The following PPP1R12A variants were observed in gnomAD, a reference collection of about 807,000 sequenced individuals.
PPP1R12A encodes myosin binding subunit.
Under a neutral mutation model 139.6 loss-of-function variants are expected in PPP1R12A, and 19 were observed. That is an observed-to-expected ratio of 0.14 (90% CI 0.09 to 0.20). The LOEUF (loss-of-function observed/expected upper bound fraction) is 0.20, where lower values mean the gene tolerates loss of function less well. Ranked by LOEUF, PPP1R12A falls within the 10% of genes least tolerant of loss-of-function variation. PPP1R12A has a pLI of 1.00. For missense variants in PPP1R12A, 925 were observed against 1,211.5 expected (o/e 0.76, Z 3.51); for synonymous variants, 427 against 420.6 (o/e 1.02, Z -0.19).
At chr12:79,822,018 C>T in intron 6 of PPP1R12A, 98 bp downstream of exon 6, 1 of 889,438 alleles carries the variant, frequency 1.1e-6, no homozygotes. Flanking sequence ...AACTTAAAAC[C>T]AAAAAGTACA....
intron 1 of PPP1R12A, among the ~76,000 whole-genome samples, chr12:79,880,790 T>G (rs1883568435): frequency 6.6e-6 from 1 of 152,116 alleles, no homozygotes; most frequent in African/African-American, 2.4e-5. Context: ...TTTTTTTGTT[T>G]GTTTGTTTAA....
intron 1 of PPP1R12A, among the ~76,000 whole-genome samples, chr12:79,900,493 G>A (rs907495600): frequency 6.6e-6 from 1 of 152,138 alleles, no homozygotes; most frequent in Non-Finnish European, 1.5e-5. Flanking sequence ...CCGTAAATGT[G>A]CCTTTGAAAC....
At chr12:79,899,231 AAAATATATATATATATATATAT>A (rs1202533715) in intron 1 of PPP1R12A, among the ~76,000 whole-genome samples, 115 of 122,704 alleles carry the variant, frequency 9.4e-4, no homozygotes, top group African/African-American at 3.4e-3. Context: ...AGAGATCTTA[AAAATATATATATATATATATAT>A]ATATATATAT....
At chr12:79,913,860 C>A (rs1258601331) in intron 1 of PPP1R12A, 1 of 152,052 alleles carries the variant, frequency 6.6e-6, no homozygotes, top group Non-Finnish European at 1.5e-5. Flanking sequence ...TCTCTTAGCC[C>A]CTTACAGAAG....
At chr12:79,861,732 G>A (rs142080886) in intron 2 of PPP1R12A, among the ~76,000 whole-genome samples, 8 of 152,286 alleles carry the variant, frequency 5.3e-5, no homozygotes, top group Non-Finnish European at 1.0e-4. Context: ...AACCTGCAAT[G>A]TGGGAGCTTG....
At chr12:79,910,616 C>A (rs1333113603) in intron 1 of PPP1R12A, among the ~76,000 whole-genome samples, 10 of 151,346 alleles carry the variant, frequency 6.6e-5, no homozygotes, top group Non-Finnish European at 1.5e-5. Flanking sequence ...CTAGTTTATT[C>A]TACTATGATT....
intron 1 of PPP1R12A, among the ~76,000 whole-genome samples, chr12:79,927,239 C>T (rs1240951635): frequency 2.0e-5 from 3 of 151,810 alleles, no homozygotes; most frequent in Non-Finnish European, 4.4e-5. Flanking sequence ...ACAACTGAAA[C>T]GATATAAATT....
At chr12:79,832,003 AC>A (rs1877490193) in intron 4 of PPP1R12A, among the ~76,000 whole-genome samples, 1 of 152,220 alleles carries the variant, frequency 6.6e-6, no homozygotes, top group Admixed American at 6.5e-5. Context: ...CTTAAGACTC[AC>A]AAACCAGTTA....
intron 1 of PPP1R12A, among the ~76,000 whole-genome samples, chr12:79,927,062 A>C (rs1887902608): frequency 6.6e-6 from 1 of 151,012 alleles, no homozygotes; most frequent in Non-Finnish European, 1.5e-5. Flanking sequence ...AAGTGGTGGC[A>C]CATGCCTGTA....
At chr12:79,857,423 G>T in intron 2 of PPP1R12A, among the ~76,000 whole-genome samples, 1 of 150,586 alleles carries the variant, frequency 6.6e-6, no homozygotes, top group African/African-American at 2.5e-5. Flanking sequence ...CACACTCTGG[G>T]GACTGTTGTG....
intron 12 of PPP1R12A, among the ~76,000 whole-genome samples, chr12:79,806,611 T>C (rs773243285): frequency 2.4e-4 from 37 of 152,190 alleles, no homozygotes; most frequent in Admixed American, 3.9e-4. Context: ...TTCCACACCA[T>C]ATGGTCATGC....
chr12:79,776,083 A>G (rs536870862), intron 24 of PPP1R12A, 68 bp from the exon 25 acceptor site: 284 of 984,104 alleles, frequency 2.9e-4, no homozygotes, highest in Non-Finnish European at 4.0e-4. Flanking sequence ...TATTCTTAAT[A>G]AATGTTATAT....
At chr12:79,902,116 T>C (rs1193959100) in intron 1 of PPP1R12A, among the ~76,000 whole-genome samples, 1 of 152,190 alleles carries the variant, frequency 6.6e-6, no homozygotes, top group Admixed American at 6.5e-5. Context: ...TCTTATTCCC[T>C]AACAGCTTGG....
intron 1 of PPP1R12A, among the ~76,000 whole-genome samples, chr12:79,885,325 A>T (rs540671377): frequency 1.3e-5 from 2 of 152,352 alleles, no homozygotes; most frequent in Non-Finnish European, 2.9e-5. Flanking sequence ...CGCATAAAGT[A>T]GTACCTGTCA....
intron 1 of PPP1R12A, among the ~76,000 whole-genome samples, chr12:79,890,900 CCCACCCA>C (rs1565800204): frequency 6.3e-5 from 4 of 63,016 alleles, no homozygotes; most frequent in African/African-American, 4.1e-4. Flanking sequence ...CCCACCCACA[CCCACCCA>C]CACACACACA....
intron 1 of PPP1R12A, among the ~76,000 whole-genome samples, chr12:79,922,608 G>GT (rs1446611622): frequency 6.6e-6 from 1 of 152,076 alleles, no homozygotes; most frequent in Non-Finnish European, 1.5e-5. Flanking sequence ...AACACCTCAG[G>GT]TTCTCACTCA....
intron 1 of PPP1R12A, among the ~76,000 whole-genome samples, chr12:79,914,216 A>G (rs1886816846): frequency 6.6e-6 from 1 of 152,054 alleles, no homozygotes; most frequent in Non-Finnish European, 1.5e-5. Flanking sequence ...TTTAGCATTA[A>G]AATAATAACA....
chr12:79,927,735 A>T (rs1310646049), intron 1 of PPP1R12A, among the ~76,000 whole-genome samples: 2 of 152,230 alleles, frequency 1.3e-5, no homozygotes, highest in Non-Finnish European at 2.9e-5. Context: ...TGTGAAAATT[A>T]AACTATTGTT....
In PPP1R12A at chr12:79,906,058, T is replaced by G. The variant is rs556406445; in HGVS notation, c.237+28637A>C. Among the ~76,000 whole-genome samples, 30 of 152,300 alleles carry G rather than the reference T, an allele frequency of 2.0e-4. No individual in the cohort carries two copies. The Middle Eastern group carries it at 0.014, about 69-fold the overall frequency. On this transcript the variant is annotated intron_variant, in intron 1 of 24. Coordinates refer to ENST00000450142, the MANE Select transcript of PPP1R12A (RefSeq NM_002480.3). Reference sequence around the variant, plus strand: ...ATCCTACTTTAAATGAAAAAAATCTTATGCATCAAAATATTCATCAAAATA... The same window carrying G: ...ATCCTACTTTAAATGAAAAAAATCTGATGCATCAAAATATTCATCAAAATA...
Sources: gnomAD v4.1 joint callset for allele counts (sites outside exome capture counted in the v4.1 genomes callset) on GRCh38, gnomAD v4.1.1 for gene constraint, MANE v1.5 for transcripts, NCBI Gene and HGNC (gene_info 2026-07-23, HGNC 2026-07-21) for gene names.